Variants in AGAP1 observed in about 807,000 individuals in gnomAD.
The protein encoded by AGAP1 is arf-GAP with GTPase, ANK repeat and PH domain-containing protein 1.
In AGAP1, 29 loss-of-function variants were observed where a neutral mutation model predicts 105.3. The ratio of observed to expected loss-of-function variants is 0.28; its 90% CI spans 0.21 to 0.38. The LOEUF is 0.38. Ranked by LOEUF, AGAP1 falls within the 10% of genes least tolerant of loss-of-function variation. AGAP1 has a pLI of 1.00. For synonymous variants in AGAP1, 509 were observed against 485.9 expected, an observed-to-expected ratio of 1.05 and a Z score of -0.63; for missense variants, 998 against 1,165.1, an observed-to-expected ratio of 0.86 and a Z score of 2.09.
intron 1 of AGAP1, among the ~76,000 whole-genome samples, chr2:235,512,739 C>T (rs759318853): frequency 3.3e-5 from 5 of 152,202 alleles, no homozygotes; most frequent in Non-Finnish European, 7.3e-5. Flanking sequence ...CCTGGGCCTC[C>T]CACCCTGCCT....
intron 11 of AGAP1, among the ~76,000 whole-genome samples, chr2:235,921,263 T>A (rs1392814959): frequency 1.3e-5 from 2 of 152,178 alleles, no homozygotes; most frequent in African/African-American, 4.8e-5. Flanking sequence ...TCTAAAATTA[T>A]GAAGATTACA....
chr2:235,696,000 G>C (rs1210715389), intron 1 of AGAP1, among the ~76,000 whole-genome samples: 1 of 152,196 alleles, frequency 6.6e-6, no homozygotes, highest in Non-Finnish European at 1.5e-5. Context: ...TGTCGACAGA[G>C]GGGCACCAGG....
At position 235,701,543 on chromosome 2, in the gene AGAP1, C is replaced by G. The variant is rs551296120; in HGVS notation, c.164-7636C>G. 6.6e-6 allele frequency among the ~76,000 whole-genome samples: 1 copy of G among 152,264 alleles called. No individual in the cohort carries two copies. The highest frequency in any genetic ancestry group is 2.4e-5 in the African/African-American group (1 of 41,560). ...GATCTTTGAGGCTGCTGAAAAGGAT[C>G]TTTGAGCCTGAACTTCCAGGGAAGC... On this transcript the variant is annotated intron_variant, in intron 1 of 17. Transcript: ENST00000304032. This position sits in a 1 kb window ranked among gnomAD's most constrained non-coding sequence, Gnocchi z 4.1.
In AGAP1 at chr2:235,544,164, A is replaced by G. The variant is rs530752394; in HGVS notation, c.163+49315A>G. Among the ~76,000 whole-genome samples, 10 of 152,328 alleles carry G rather than the reference A, an allele frequency of 6.6e-5. No homozygotes were observed. The South Asian group carries it at 1.9e-3, about 28-fold the overall frequency. On this transcript the variant is annotated intron_variant, in intron 1 of 17. Transcript: ENST00000304032. ...AGGCATTTCATTTGTGAATGGCAGC[A>G]TGTCTTTATGAGGGGTGACAGATTG...
At position 236,061,125 on chromosome 2, in the gene AGAP1, A is replaced by G. The variant is rs1395367294; in HGVS notation, c.2114+11844A>G. ...CTCTAAATAGACATTTCTCCAGAAAATATAAAAATGGCCAGTAAATACATG... is the reference window on the plus strand; with the variant it reads ...CTCTAAATAGACATTTCTCCAGAAAGTATAAAAATGGCCAGTAAATACATG... On this transcript the variant is annotated intron_variant, in intron 16 of 17. Coordinates refer to ENST00000304032, the MANE Select transcript of AGAP1 (RefSeq NM_001037131.3). This position sits in a 1 kb window ranked among gnomAD's most constrained non-coding sequence, Gnocchi z 4.1. Among the ~76,000 whole-genome samples the G allele has an allele frequency of 3.3e-5, 5 of 152,222 alleles. No homozygotes were observed. The highest frequency in any genetic ancestry group is 7.3e-5 in the Non-Finnish European group (5 of 68,040).
intron 9 of AGAP1, among the ~76,000 whole-genome samples, chr2:235,811,572 T>C (rs978615437): frequency 6.6e-6 from 1 of 152,212 alleles, no homozygotes; most frequent in Admixed American, 6.5e-5. Flanking sequence ...CTGTATTTAC[T>C]GATTATTCCC....
intron 12 of AGAP1, among the ~76,000 whole-genome samples, chr2:235,966,801 T>C (rs928157904): frequency 1.3e-5 from 2 of 151,986 alleles, no homozygotes; most frequent in Non-Finnish European, 2.9e-5. Context: ...CAATGAAGGG[T>C]GACGCTTCCG....
At chr2:236,098,723 C>T (rs565188905) in intron 16 of AGAP1, among the ~76,000 whole-genome samples, 1 of 149,970 alleles carries the variant, frequency 6.7e-6, no homozygotes, top group Non-Finnish European at 1.5e-5. Context: ...CTGCTGGGCT[C>T]AAGCGATCCC....
chr2:235,969,016 C>G (rs1331962582), intron 13 of AGAP1, among the ~76,000 whole-genome samples: 3 of 152,198 alleles, frequency 2.0e-5, no homozygotes, highest in Non-Finnish European at 4.4e-5. Flanking sequence ...TAGGAATCAT[C>G]TCTGATATTG....
rs1021102064 is a variant in AGAP1, at chr2:235,966,590, C to T, written c.1484-1872C>T. On this transcript the variant is annotated intron_variant, in intron 12 of 17. Coordinates refer to ENST00000304032, the MANE Select transcript of AGAP1 (RefSeq NM_001037131.3). ...CCGAATTGCCACATTTCTCGCAACT[C>T]CTTAAAGTGGTGAAGGGAACTTCCG... 2.0e-5 allele frequency among the ~76,000 whole-genome samples: 3 copies of T among 152,240 alleles called. No homozygotes were observed. In the South Asian group the frequency reaches 6.2e-4, roughly 32 times the overall value.
In AGAP1 at chr2:235,622,167, C is replaced by T. The variant is rs1946505653; in HGVS notation, c.164-87012C>T. On this transcript the variant is annotated intron_variant, in intron 1 of 17. Transcript: ENST00000304032. The surrounding 1 kb of genome is among the most constrained non-coding windows in gnomAD (Gnocchi z 5.0). ...ACAAAATTAGATTTAGCTAAAGTAG[C>T]TTAGGTTTTATAAAAGCTGATGTTC... Among the ~76,000 whole-genome samples the T allele has an allele frequency of 6.6e-6, 1 of 151,984 alleles. No individual in the cohort carries two copies. Among genetic ancestry groups the T allele is most frequent in the African/African-American group, 2.4e-5 (1 of 41,348 alleles).
chr2:235,628,159 G>A (rs1178969012), intron 1 of AGAP1, among the ~76,000 whole-genome samples: 2 of 152,118 alleles, frequency 1.3e-5, no homozygotes, highest in African/African-American at 2.4e-5. Flanking sequence ...TCAGTGGTGA[G>A]CGGATGGGGA....
intron 1 of AGAP1, among the ~76,000 whole-genome samples, chr2:235,682,424 C>T (rs1949127739): frequency 6.6e-6 from 1 of 151,990 alleles, no homozygotes; most frequent in Admixed American, 6.5e-5. Context: ...CTCACTGCAG[C>T]CTCTGCCTCC....
intron 1 of AGAP1, among the ~76,000 whole-genome samples, chr2:235,536,223 A>ACAC (rs57292117): frequency 3.2e-5 from 2 of 63,196 alleles, no homozygotes; most frequent in Non-Finnish European, 5.9e-5. Context: ...ACACACACAC[A>ACAC]GCAGGACCCT....
rs553880004 is a variant in AGAP1, at chr2:235,977,869, T to C, written c.1645+9246T>C. On this transcript the variant is annotated intron_variant, in intron 13 of 17. Transcript: ENST00000304032. The surrounding 1 kb of genome is among the most constrained non-coding windows in gnomAD (Gnocchi z 5.2). ...CTTAGCTCAGCCTGCCATATCAAAA[T>C]GCCACAGACTGGGGGCTTAACCAGC... Among the ~76,000 whole-genome samples the C allele has an allele frequency of 1.8e-4, 27 of 152,294 alleles. No individual in the cohort carries two copies. The East Asian group carries it at 4.8e-3, about 27-fold the overall frequency.
At chr2:235,738,645 C>T (rs1334093810) in intron 3 of AGAP1, among the ~76,000 whole-genome samples, 2 of 151,820 alleles carry the variant, frequency 1.3e-5, no homozygotes, top group Admixed American at 6.6e-5. Flanking sequence ...GCAACCTCCA[C>T]CTCCCAGGTT....
At chr2:235,997,670 T>G (rs2055877952) in intron 13 of AGAP1, among the ~76,000 whole-genome samples, 1 of 152,176 alleles carries the variant, frequency 6.6e-6, no homozygotes, top group African/African-American at 2.4e-5. Context: ...TTTGAGAGCT[T>G]CTCAGCCACT....
chr2:236,057,219 C>T (rs2058074862), intron 16 of AGAP1, among the ~76,000 whole-genome samples: 1 of 152,178 alleles, frequency 6.6e-6, no homozygotes, highest in Admixed American at 6.6e-5. Context: ...AGTGATTCTC[C>T]TACCTCAACC....
chr2:235,953,426 A>G lies in AGAP1; in HGVS notation c.1484-15036A>G, dbSNP rs1027066265. ...TGTTCAGACTGCAAGGATATTTCAT[A>G]CAGATTTGTTAGCTGGTATTTAAAT... On this transcript the variant is annotated intron_variant, in intron 12 of 17. Transcript: ENST00000304032. This position sits in a 1 kb window ranked among gnomAD's most constrained non-coding sequence, Gnocchi z 5.2. Among the ~76,000 whole-genome samples the G allele has an allele frequency of 4.6e-5, 7 of 152,216 alleles. No individual in the cohort carries two copies. Among genetic ancestry groups the G allele is most frequent in the Non-Finnish European group, 8.8e-5 (6 of 68,034 alleles).
Sources: gnomAD v4.1 joint callset for allele counts (sites outside exome capture counted in the v4.1 genomes callset) on GRCh38, gnomAD v4.1.1 for gene constraint, Gnocchi (gnomAD v3.1) non-coding constraint, MANE v1.5 for transcripts, NCBI Gene and HGNC (gene_info 2026-07-23, HGNC 2026-07-21) for gene names.